Variants in ZNF704 observed in about 807,000 individuals in gnomAD.
ZNF704 encodes the protein glucocorticoid induced gene 1.
ZNF704 carries 10 observed loss-of-function variants against 44.7 expected under a neutral mutation model. The observed-to-expected ratio is 0.22, with a 90% CI of 0.14 to 0.38. The LOEUF is 0.38. Ranked by LOEUF, ZNF704 falls within the 10% of genes least tolerant of loss-of-function variation. ZNF704 has a pLI of 1.00. For synonymous variants in ZNF704, 211 were observed against 207.6 expected, an observed-to-expected ratio of 1.02 and a Z score of -0.14; for missense variants, 390 against 545.5, an observed-to-expected ratio of 0.71 and a Z score of 2.84.
chr8:80,634,229 T>C lies in ZNF704; in HGVS notation c.*7137A>G, dbSNP rs554132590. The C allele has an allele frequency of 3.3e-5, 5 of 152,200 alleles. No homozygotes were observed. The South Asian group carries it at 8.3e-4, about 25-fold the overall frequency. 9.4% of individuals were successfully genotyped at this position (152,200 alleles called of 1,614,324 possible). ...GTAGAAAACACTAAGAAAATTAGGA[T>C]AACAGTGATTCAACACTTTACGGGG... On this transcript the variant is annotated 3_prime_UTR_variant, in exon 9 of 9. Coordinates refer to ENST00000327835, the MANE Select transcript of ZNF704 (RefSeq NM_001033723.3).
chr8:80,818,230 A>C (rs1808208934), intron 2 of ZNF704, among the ~76,000 whole-genome samples: 1 of 152,254 alleles, frequency 6.6e-6, no homozygotes, highest in Non-Finnish European at 1.5e-5. Flanking sequence ...CAAAAGATAA[A>C]GTGAGAAACG....
chr8:80,813,610 G>A (rs907316447), intron 2 of ZNF704, among the ~76,000 whole-genome samples: 2 of 152,172 alleles, frequency 1.3e-5, no homozygotes, highest in African/African-American at 4.8e-5. Context: ...GGGCGCGGTG[G>A]CTCATGCCTG....
At chr8:80,718,195 G>T (rs1819101292) in intron 2 of ZNF704, among the ~76,000 whole-genome samples, 1 of 151,800 alleles carries the variant, frequency 6.6e-6, no homozygotes, top group African/African-American at 2.4e-5. Flanking sequence ...CAAACCCCCA[G>T]CTTGGCTTAT....
chr8:80,688,958 C>CAAA (rs57878370), intron 3 of ZNF704, among the ~76,000 whole-genome samples: 14 of 71,322 alleles, frequency 2.0e-4, no homozygotes, highest in Admixed American at 3.1e-4. Flanking sequence ...GACTCTGTCT[C>CAAA]AAAAAAAAAA....
At chr8:80,820,682 C>T (rs1363046474) in intron 2 of ZNF704, among the ~76,000 whole-genome samples, 1 of 152,058 alleles carries the variant, frequency 6.6e-6, no homozygotes, top group East Asian at 1.9e-4. Context: ...GGGAGAATCG[C>T]TTGAGCTCAG....
intron 2 of ZNF704, among the ~76,000 whole-genome samples, chr8:80,717,277 C>T (rs1819085906): frequency 6.6e-6 from 1 of 152,228 alleles, no homozygotes; most frequent in Non-Finnish European, 1.5e-5. Flanking sequence ...GTACCACTTA[C>T]TCATTTTATA....
At chr8:80,647,829 T>C (rs1258396639) in intron 7 of ZNF704, among the ~76,000 whole-genome samples, 1 of 152,146 alleles carries the variant, frequency 6.6e-6, no homozygotes, top group East Asian at 1.9e-4. Context: ...CGGGGAGGCA[T>C]GAGGAACAGG....
chr8:80,741,427 A>T lies in ZNF704; in HGVS notation c.222-48320T>A, dbSNP rs184357443. Among the ~76,000 whole-genome samples, 208 of 152,364 alleles carry T rather than the reference A, an allele frequency of 1.4e-3. 1 individual carries two copies. Among genetic ancestry groups the T allele is most frequent in the African/African-American group, 4.5e-3 (188 of 41,584 alleles). ...GTGGCATACTTGAGTAAGAAAATTG[A>T]TGTAGTGGCAAAGGGTTGGCCTCAT... On this transcript the variant is annotated intron_variant, in intron 2 of 8. Coordinates refer to ENST00000327835, the MANE Select transcript of ZNF704 (RefSeq NM_001033723.3).
chr8:80,685,243 T>C (rs745892841), intron 4 of ZNF704, among the ~76,000 whole-genome samples: 4 of 152,168 alleles, frequency 2.6e-5, no homozygotes, highest in Non-Finnish European at 5.9e-5. Context: ...AGACCTTCCA[T>C]ATGAGGCTAA....
intron 4 of ZNF704, among the ~76,000 whole-genome samples, chr8:80,682,560 T>C (rs1227448361): frequency 6.6e-6 from 1 of 152,232 alleles, no homozygotes; most frequent in Non-Finnish European, 1.5e-5. Context: ...GGGGGGCTAA[T>C]GCACACCCAA....
At chr8:80,829,387 T>TA (rs1042405327) in intron 1 of ZNF704, among the ~76,000 whole-genome samples, 8 of 151,988 alleles carry the variant, frequency 5.3e-5, no homozygotes, top group Non-Finnish European at 1.5e-5. Context: ...ACAACAGGGA[T>TA]AAAAAAAGAA....
At chr8:80,800,675 G>C (rs1343650615) in intron 2 of ZNF704, among the ~76,000 whole-genome samples, 1 of 152,078 alleles carries the variant, frequency 6.6e-6, no homozygotes, top group Admixed American at 6.6e-5. Flanking sequence ...TAAATATGAA[G>C]AGGAAAAACT....
At chr8:80,773,351 C>T (rs983502019) in intron 2 of ZNF704, among the ~76,000 whole-genome samples, 2 of 152,178 alleles carry the variant, frequency 1.3e-5, no homozygotes, top group East Asian at 3.8e-4. Flanking sequence ...TCACAGTCTA[C>T]TGGTGTCATC....
At chr8:80,737,153 T>C (rs1268775079) in intron 2 of ZNF704, among the ~76,000 whole-genome samples, 2 of 152,246 alleles carry the variant, frequency 1.3e-5, no homozygotes, top group South Asian at 2.1e-4. Context: ...GTTATCTACT[T>C]ACATATAACA....
At chr8:80,825,250 AC>A (rs1375976174) in intron 1 of ZNF704, among the ~76,000 whole-genome samples, 2 of 151,944 alleles carry the variant, frequency 1.3e-5, no homozygotes, top group Admixed American at 1.3e-4. Flanking sequence ...CAAATGGAAA[AC>A]AAAAAAAAAG....
intron 2 of ZNF704, among the ~76,000 whole-genome samples, chr8:80,755,890 G>T (rs1807026219): frequency 6.6e-6 from 1 of 151,926 alleles, no homozygotes; most frequent in South Asian, 2.1e-4. Context: ...AGGATCACTT[G>T]AACTCAGAAG....
chr8:80,791,903 A>G (rs964996790), intron 2 of ZNF704, among the ~76,000 whole-genome samples: 5 of 152,202 alleles, frequency 3.3e-5, no homozygotes, highest in East Asian at 3.8e-4. Flanking sequence ...AAGCCCAGGG[A>G]AAGATTAGGC....
intron 2 of ZNF704, among the ~76,000 whole-genome samples, chr8:80,764,493 C>T (rs1165595196): frequency 6.6e-6 from 1 of 152,140 alleles, no homozygotes; most frequent in Non-Finnish European, 1.5e-5. Flanking sequence ...GTCCCTCCCT[C>T]GACACATGGG....
chr8:80,660,729 T>C (rs999501611), intron 6 of ZNF704, among the ~76,000 whole-genome samples: 9 of 152,080 alleles, frequency 5.9e-5, no homozygotes, highest in African/African-American at 2.2e-4. Flanking sequence ...GAAAACTGGA[T>C]ATCCACGTGC....
Sources: gnomAD v4.1 joint callset for allele counts (sites outside exome capture counted in the v4.1 genomes callset) on GRCh38, gnomAD v4.1.1 for gene constraint, MANE v1.5 for transcripts, NCBI Gene and HGNC (gene_info 2026-07-23, HGNC 2026-07-21) for gene names.